Variants in HS3ST4 observed in about 807,000 individuals in gnomAD.
The protein encoded by HS3ST4 is heparan sulfate-glucosamine 3-sulfotransferase 4, also known as heparan sulfate glucosamine 3-O-sulfotransferase 4.
In HS3ST4, 17 loss-of-function variants were observed where a neutral mutation model predicts 29.2. The ratio of observed to expected loss-of-function variants is 0.58; its 90% CI spans 0.40 to 0.87. The LOEUF (loss-of-function observed/expected upper bound fraction) is 0.87. Among genes scored for constraint, HS3ST4 ranks in the 40% least tolerant of loss-of-function variants. HS3ST4 has a pLI of 0.00. For missense variants in HS3ST4, 627 were observed against 634.5 expected, an observed-to-expected ratio of 0.99 and a Z score of 0.13; for synonymous variants, 314 against 285.7, an observed-to-expected ratio of 1.10 and a Z score of -1.00.
intron 1 of HS3ST4, among the ~76,000 whole-genome samples, chr16:25,953,433 C>T (rs1968700214): frequency 1.3e-5 from 2 of 152,174 alleles, no homozygotes; most frequent in South Asian, 4.1e-4. Flanking sequence ...TGTGACCATT[C>T]AGAATAAGAA....
Position 25,812,363 on chromosome 16 carries a change from G to A in HS3ST4, c.734+119212G>A, listed in dbSNP as rs187619054. Among the ~76,000 whole-genome samples, 665 of 152,186 alleles carry A rather than the reference G, an allele frequency of 4.4e-3. 3 individuals carry two copies. The highest frequency in any genetic ancestry group is 0.015 in the African/African-American group (624 of 41,522). ...TAAATGCCCACAGGATTTACATCTCGGTAAACACTGTACGTGTCCTTCCTG... is the reference window on the plus strand; with the variant it reads ...TAAATGCCCACAGGATTTACATCTCAGTAAACACTGTACGTGTCCTTCCTG... On this transcript the variant is annotated intron_variant, in intron 1 of 1. Coordinates refer to ENST00000331351, the MANE Select transcript of HS3ST4 (RefSeq NM_006040.3).
intron 1 of HS3ST4, among the ~76,000 whole-genome samples, chr16:26,083,630 TA>T (rs1343898069): frequency 6.6e-6 from 1 of 152,146 alleles, no homozygotes; most frequent in Middle Eastern, 3.2e-3. Flanking sequence ...ACTTTATTTA[TA>T]AAAGCAGATG....
intron 1 of HS3ST4, among the ~76,000 whole-genome samples, chr16:25,755,755 C>A (rs1966753669): frequency 6.6e-6 from 1 of 152,182 alleles, no homozygotes; most frequent in Admixed American, 6.5e-5. Flanking sequence ...TTACAATGGG[C>A]TGGCCATCAA....
chr16:26,033,190 G>T (rs1164467072), intron 1 of HS3ST4, among the ~76,000 whole-genome samples: 1 of 151,930 alleles, frequency 6.6e-6, no homozygotes, highest in Non-Finnish European at 1.5e-5. Context: ...ACCAGCCTGG[G>T]CAACATAGCA....
chr16:25,794,914 C>G (rs1261540492), intron 1 of HS3ST4, among the ~76,000 whole-genome samples: 1 of 147,650 alleles, frequency 6.8e-6, no homozygotes, highest in African/African-American at 2.5e-5. Flanking sequence ...CACACACACA[C>G]ACACACACAC....
At chr16:25,851,199 A>G (rs183890853) in intron 1 of HS3ST4, among the ~76,000 whole-genome samples, 26 of 152,232 alleles carry the variant, frequency 1.7e-4, no homozygotes, top group Admixed American at 1.4e-3. Flanking sequence ...TTTAGATTAT[A>G]TGTTTGTTTT....
At chr16:26,125,642 T>C (rs1899332485) in intron 1 of HS3ST4, among the ~76,000 whole-genome samples, 1 of 152,202 alleles carries the variant, frequency 6.6e-6, no homozygotes, top group Admixed American at 6.5e-5. Context: ...AGTCAAGCCT[T>C]CATATCCAAT....
intron 1 of HS3ST4, among the ~76,000 whole-genome samples, chr16:26,128,319 C>G (rs533036401): frequency 6.6e-6 from 1 of 152,128 alleles, no homozygotes; most frequent in Non-Finnish European, 1.5e-5. Flanking sequence ...ATAGTTGGTA[C>G]GTAATAAGCA....
At chr16:25,961,507 C>A (rs150069825) in intron 1 of HS3ST4, among the ~76,000 whole-genome samples, 1 of 152,188 alleles carries the variant, frequency 6.6e-6, no homozygotes, top group African/African-American at 2.4e-5. Flanking sequence ...GGTGCCCTAT[C>A]TCTTGCCAGA....
intron 1 of HS3ST4, among the ~76,000 whole-genome samples, chr16:25,780,467 C>G (rs997410768): frequency 5.3e-5 from 8 of 152,088 alleles, no homozygotes; most frequent in Admixed American, 2.6e-4. Context: ...ATAATTTGAG[C>G]TAATTCATGC....
intron 1 of HS3ST4, among the ~76,000 whole-genome samples, chr16:25,923,220 A>C (rs1968371352): frequency 6.6e-6 from 1 of 152,198 alleles, no homozygotes; most frequent in Non-Finnish European, 1.5e-5. Flanking sequence ...GGAACTTCTG[A>C]AGAAGTGGCA....
intron 1 of HS3ST4, among the ~76,000 whole-genome samples, chr16:25,899,811 C>T (rs1968105216): frequency 6.6e-6 from 1 of 152,060 alleles, no homozygotes; most frequent in Admixed American, 6.5e-5. Context: ...TCTCCTTCTT[C>T]TCTCTTCCTG....
chr16:26,017,130 T>C (rs28569014), intron 1 of HS3ST4, among the ~76,000 whole-genome samples: 6,072 of 152,330 alleles, frequency 0.04, 391 homozygotes, highest in African/African-American at 0.13. Flanking sequence ...TACGCACTAA[T>C]TTGTTATCCC....
At chr16:25,995,732 G>C (rs964175069) in intron 1 of HS3ST4, among the ~76,000 whole-genome samples, 4 of 152,184 alleles carry the variant, frequency 2.6e-5, no homozygotes, top group Non-Finnish European at 4.4e-5. Flanking sequence ...GTGATCTTGA[G>C]GAAGTTATTT....
intron 1 of HS3ST4, among the ~76,000 whole-genome samples, chr16:25,840,883 TG>T (rs1967404745): frequency 6.6e-6 from 1 of 152,226 alleles, no homozygotes; most frequent in South Asian, 2.1e-4. Flanking sequence ...GGGCCATCTG[TG>T]GTCAAGTAAG....
intron 1 of HS3ST4, among the ~76,000 whole-genome samples, chr16:26,006,300 G>A (rs894532878): frequency 3.3e-3 from 226 of 68,634 alleles, no homozygotes; most frequent in Admixed American, 6.2e-3. Context: ...CTCTGTTTCA[G>A]AAAAAAAAAA....
At chr16:25,727,950 G>A (rs371331535) in intron 1 of HS3ST4, among the ~76,000 whole-genome samples, 1 of 152,132 alleles carries the variant, frequency 6.6e-6, no homozygotes, top group Non-Finnish European at 1.5e-5. Flanking sequence ...TGGAGGTCCA[G>A]AAAAGCTATC....
intron 1 of HS3ST4, among the ~76,000 whole-genome samples, chr16:25,760,566 C>T (rs1567234410): frequency 6.6e-6 from 1 of 151,898 alleles, no homozygotes; most frequent in Non-Finnish European, 1.5e-5. Context: ...TTACAGGCAC[C>T]TGCCACCACA....
Position 25,692,560 on chromosome 16 carries a change from T to C in HS3ST4, c.143T>C (p.Leu48Pro). The C allele has an allele frequency of 1.4e-6, 2 of 1,449,910 alleles. No individual in the cohort carries two copies. The highest frequency in any genetic ancestry group is 2.3e-5 in the Admixed American group (1 of 43,944). The allele number at this position is 1,449,910 out of a possible 1,614,324, so 89.8% of individuals were successfully genotyped here. Residue 48 changes from leucine (L) to proline (P), a missense_variant, in exon 1 of 2, where the codon CTG becomes CCG. Leu to Pro is a moderately conservative substitution (Grantham distance 98). Transcript: ENST00000331351. ...ACCTTGTCCCTGTCTGTCACCTACC[T>C]GTGCTACAGCCTCCTGGGCGGCTCG... ...MCTLSLSVTYLCYSLLGGSGS... is the reference protein window; with the variant it reads ...MCTLSLSVTYPCYSLLGGSGS...
Sources: allele counts gnomAD v4.1 joint callset (sites outside exome capture counted in the v4.1 genomes callset), GRCh38; gene constraint gnomAD v4.1.1; transcripts MANE v1.5; gene names NCBI Gene and HGNC (gene_info 2026-07-23, HGNC 2026-07-21).